FOXK2: variants seen among roughly 807,000 people sequenced by gnomAD.
FOXK2 encodes the protein forkhead box K2, also known as forkhead box protein K2.
FOXK2 carries 24 observed loss-of-function variants against 53.3 expected under a neutral mutation model. The ratio of observed to expected loss-of-function variants is 0.45; its 90% confidence interval spans 0.33 to 0.63. The LOEUF is 0.63. FOXK2 is among the 30% of genes least tolerant of loss of function. The pLI, the probability that FOXK2 is intolerant of heterozygous loss-of-function variation, is 0.03. For synonymous variants in FOXK2, 505 were observed against 407.1 expected (o/e 1.24, Z -2.89); for missense variants, 952 against 910.5 (o/e 1.05, Z -0.59).
chr17:82,531,350 T>G (rs768143918), intron 1 of FOXK2, among the ~76,000 whole-genome samples: 1 of 152,220 alleles, frequency 6.6e-6, no homozygotes, highest in African/African-American at 2.4e-5. Flanking sequence ...TAAATTCACT[T>G]CTGATTCTAC....
chr17:82,557,046 T>A (rs1368922898), intron 1 of FOXK2, among the ~76,000 whole-genome samples: 2 of 150,234 alleles, frequency 1.3e-5, no homozygotes, highest in African/African-American at 4.9e-5. Context: ...TTATTTTTTT[T>A]TTGAGACAGA....
intron 8 of FOXK2, among the ~76,000 whole-genome samples, chr17:82,587,986 C>G (rs1457223241): frequency 6.6e-6 from 1 of 152,150 alleles, no homozygotes; most frequent in African/African-American, 2.4e-5. Flanking sequence ...TCTCTGTGCC[C>G]ACGACACGCT....
chr17:82,601,517 C>CT lies in FOXK2; in HGVS notation c.*21dup. 1 of 1,587,826 alleles carries CT rather than the reference C, an allele frequency of 6.3e-7. No individual in the cohort carries two copies. Among genetic ancestry groups the CT allele is most frequent in the Middle Eastern group, 1.7e-4 (1 of 5,956 alleles). On this transcript the variant is annotated 3_prime_UTR_variant, in exon 9 of 9. Coordinates refer to ENST00000335255, the MANE Select transcript of FOXK2 (RefSeq NM_004514.4). ...AGAACTAGCGACCGGGAGAGCTTTT[C>CT]TTTAACGATATCAACTCTGTGGTGC...
chr17:82,590,064 T>C (rs915227467), intron 8 of FOXK2, among the ~76,000 whole-genome samples: 7 of 151,304 alleles, frequency 4.6e-5, no homozygotes, highest in Admixed American at 2.6e-4. Flanking sequence ...AAAAAAGTCT[T>C]GTCAGCACCA....
chr17:82,525,231 G>A (rs1000549543), intron 1 of FOXK2, among the ~76,000 whole-genome samples: 2 of 151,746 alleles, frequency 1.3e-5, no homozygotes, highest in African/African-American at 4.8e-5. Context: ...GTGCAGTGAC[G>A]CAGTCTCAGC....
intron 1 of FOXK2, among the ~76,000 whole-genome samples, chr17:82,544,022 C>T (rs550982721): frequency 2.0e-5 from 3 of 152,030 alleles, no homozygotes; most frequent in Non-Finnish European, 4.4e-5. Flanking sequence ...GTGATCCGCC[C>T]GCCTCAGCCT....
chr17:82,578,851 C>T lies in FOXK2; in HGVS notation c.910-3890C>T, dbSNP rs935035653. Reference sequence around the variant, plus strand: ...TGACGCAGGGGCAGGGCTTCTGGCCCGTGTCACGTTCTTCTGCTCACATGG... The same window carrying T: ...TGACGCAGGGGCAGGGCTTCTGGCCTGTGTCACGTTCTTCTGCTCACATGG... On this transcript the variant is annotated intron_variant, in intron 4 of 8. Coordinates refer to ENST00000335255, the MANE Select transcript of FOXK2 (RefSeq NM_004514.4). 6.6e-5 allele frequency among the ~76,000 whole-genome samples: 10 copies of T among 152,300 alleles called. No homozygotes were observed. In the East Asian group the frequency reaches 9.6e-4, roughly 15 times the overall value.
At chr17:82,549,084 A>T (rs958541636) in intron 1 of FOXK2, among the ~76,000 whole-genome samples, 1 of 152,238 alleles carries the variant, frequency 6.6e-6, no homozygotes, top group Non-Finnish European at 1.5e-5. Context: ...AGTCTAAAAC[A>T]CATCCCGAAT....
chr17:82,579,437 A>T (rs2045030850), intron 4 of FOXK2, among the ~76,000 whole-genome samples: 1 of 152,108 alleles, frequency 6.6e-6, no homozygotes, highest in South Asian at 2.1e-4. Flanking sequence ...CACAAATCCC[A>T]CACATGGCCT....
intron 1 of FOXK2, among the ~76,000 whole-genome samples, chr17:82,538,775 G>C (rs1455164711): frequency 6.6e-6 from 1 of 152,148 alleles, no homozygotes. Context: ...CAGGCCTGGG[G>C]CTCACCCCTT....
chr17:82,544,970 A>T (rs908460207), intron 1 of FOXK2, among the ~76,000 whole-genome samples: 1 of 136,478 alleles, frequency 7.3e-6, no homozygotes, highest in African/African-American at 2.6e-5. Context: ...AAAAATAATT[A>T]AAAAAAAAAA....
intron 8 of FOXK2, among the ~76,000 whole-genome samples, chr17:82,596,898 G>A (rs912713169): frequency 3.3e-5 from 5 of 152,174 alleles, no homozygotes; most frequent in African/African-American, 1.2e-4. Context: ...AGTCCTCCCG[G>A]GCTTGCTGAA....
chr17:82,577,426 G>T (rs943265049), intron 4 of FOXK2: 9 of 413,558 alleles, frequency 2.2e-5, no homozygotes, highest in African/African-American at 1.9e-4. Flanking sequence ...TACCCCGCCT[G>T]TGGCCCAACC....
chr17:82,527,145 A>AG (rs1297441464), intron 1 of FOXK2, among the ~76,000 whole-genome samples: 3 of 152,106 alleles, frequency 2.0e-5, no homozygotes, highest in Admixed American at 2.0e-4. Flanking sequence ...TTCATAGCAG[A>AG]GGGCAAATGG....
chr17:82,594,954 C>T (rs890118208), intron 8 of FOXK2, among the ~76,000 whole-genome samples: 8 of 152,212 alleles, frequency 5.3e-5, no homozygotes, highest in East Asian at 3.9e-4. Context: ...GCAGGGAGAT[C>T]GTTTGAGCCA....
chr17:82,553,694 C>G (rs1486289088), intron 1 of FOXK2, among the ~76,000 whole-genome samples: 1 of 152,190 alleles, frequency 6.6e-6, no homozygotes, highest in Non-Finnish European at 1.5e-5. Flanking sequence ...GTGCTGAGCC[C>G]TTAAGACATG....
chr17:82,540,405 C>T (rs888131124), intron 1 of FOXK2, among the ~76,000 whole-genome samples: 4 of 152,150 alleles, frequency 2.6e-5, no homozygotes, highest in African/African-American at 9.7e-5. Context: ...TCTTCCTGCA[C>T]GATTGTTGTT....
chr17:82,596,925 C>T (rs1437856933), intron 8 of FOXK2, among the ~76,000 whole-genome samples: 1 of 152,216 alleles, frequency 6.6e-6, no homozygotes, highest in African/African-American at 2.4e-5. Context: ...CTCCAAGTTA[C>T]AGTCCCCGGG....
chr17:82,553,573 A>G (rs1477220989), intron 1 of FOXK2, among the ~76,000 whole-genome samples: 1 of 152,116 alleles, frequency 6.6e-6, no homozygotes, highest in Non-Finnish European at 1.5e-5. Context: ...AAGCACAAAC[A>G]TGGTTTTCGG....
Sources: gnomAD v4.1 joint callset for allele counts (sites outside exome capture counted in the v4.1 genomes callset) on GRCh38, gnomAD v4.1.1 for gene constraint, MANE v1.5 for transcripts, NCBI Gene and HGNC (gene_info 2026-07-23, HGNC 2026-07-21) for gene names.